Variants in PTPRD observed in about 807,000 individuals in gnomAD.
PTPRD encodes receptor-type tyrosine-protein phosphatase delta.
In PTPRD, 34 loss-of-function variants were observed where a neutral mutation model predicts 214.5. The observed-to-expected ratio is 0.16, with a 90% CI of 0.12 to 0.21. The LOEUF is 0.21. Ranked by LOEUF, PTPRD falls within the 10% of genes least tolerant of loss-of-function variation. The pLI, the probability that PTPRD is intolerant of heterozygous loss-of-function variation, is 1.00. For missense variants in PTPRD, 2,545 were observed against 2,398.7 expected (o/e 1.06, Z -1.27); for synonymous variants, 1,128 against 845.7 (o/e 1.33, Z -5.79).
chr9:10,195,270 A>T (rs1046263075), intron 3 of PTPRD, among the ~76,000 whole-genome samples: 4 of 151,998 alleles, frequency 2.6e-5, no homozygotes, highest in African/African-American at 9.7e-5. Context: ...CACTTTCCTC[A>T]TTTGGAAAAG....
intron 3 of PTPRD, among the ~76,000 whole-genome samples, chr9:10,241,692 G>A (rs182387654): frequency 5.5e-4 from 84 of 152,070 alleles, no homozygotes; most frequent in African/African-American, 1.9e-3. Flanking sequence ...ACCAGGGTTG[G>A]TGGAGGAACG....
At chr9:9,903,378 G>A (rs1229225494) in intron 5 of PTPRD, among the ~76,000 whole-genome samples, 3 of 152,026 alleles carry the variant, frequency 2.0e-5, no homozygotes, top group African/African-American at 7.2e-5. Flanking sequence ...AAAGATCTCT[G>A]TGCCTGTTGC....
intron 3 of PTPRD, among the ~76,000 whole-genome samples, chr9:10,046,148 CATT>C (rs2097390130): frequency 6.6e-6 from 1 of 151,778 alleles, no homozygotes; most frequent in African/African-American, 2.4e-5. Context: ...AACAAATCAT[CATT>C]AAGCGGCTTT....
intron 3 of PTPRD, among the ~76,000 whole-genome samples, chr9:10,180,584 T>C (rs1162252836): frequency 1.7e-5 from 2 of 117,730 alleles, no homozygotes; most frequent in African/African-American, 3.3e-5. Flanking sequence ...TTAACTTTGA[T>C]ACCAAAACCA....
intron 12 of PTPRD, among the ~76,000 whole-genome samples, chr9:8,715,533 A>G (rs897462763): frequency 1.3e-5 from 2 of 152,272 alleles, no homozygotes; most frequent in African/African-American, 4.8e-5. Context: ...TCCAGTAAAT[A>G]GCAAAATACA....
chr9:10,198,913 G>A (rs294824), intron 3 of PTPRD, among the ~76,000 whole-genome samples: 46,011 of 151,894 alleles, frequency 0.3, 7,358 homozygotes, highest in East Asian at 0.47. Context: ...AGGCTTAGGG[G>A]TCACTTTTTT....
chr9:8,800,322 T>C (rs551769724), intron 11 of PTPRD, among the ~76,000 whole-genome samples: 1 of 152,110 alleles, frequency 6.6e-6, no homozygotes, highest in Non-Finnish European at 1.5e-5. Context: ...AACTCCATCT[T>C]GAATAGGGGC....
chr9:10,539,622 G>C (rs1010904906), intron 2 of PTPRD, among the ~76,000 whole-genome samples: 1 of 152,030 alleles, frequency 6.6e-6, no homozygotes, highest in African/African-American at 2.4e-5. Context: ...TCCCTTTTTT[G>C]GTGCCAACTT....
At chr9:9,355,992 T>C (rs1488131781) in intron 9 of PTPRD, among the ~76,000 whole-genome samples, 1 of 151,414 alleles carries the variant, frequency 6.6e-6, no homozygotes, top group Non-Finnish European at 1.5e-5. Flanking sequence ...GTCCAGAGAC[T>C]AGAGCATTGG....
At chr9:9,017,794 G>A in intron 11 of PTPRD, among the ~76,000 whole-genome samples, 1 of 152,098 alleles carries the variant, frequency 6.6e-6, no homozygotes, top group East Asian at 1.9e-4. Flanking sequence ...TCAAGTTGTA[G>A]TTTAAATTAC....
chr9:9,482,505 C>CTTATGAA (rs1569568700), intron 8 of PTPRD, among the ~76,000 whole-genome samples: 1 of 152,046 alleles, frequency 6.6e-6, no homozygotes, highest in East Asian at 1.9e-4. Flanking sequence ...TTTCATTGTC[C>CTTATGAA]AGATACTTGA....
At chr9:9,967,626 C>A (rs1430416273) in intron 4 of PTPRD, among the ~76,000 whole-genome samples, 1 of 152,026 alleles carries the variant, frequency 6.6e-6, no homozygotes, top group East Asian at 1.9e-4. Context: ...AAGAGACTTT[C>A]CTGAAGTCAT....
At chr9:9,565,626 C>T (rs2084278253) in intron 8 of PTPRD, among the ~76,000 whole-genome samples, 1 of 151,706 alleles carries the variant, frequency 6.6e-6, no homozygotes, top group South Asian at 2.1e-4. Flanking sequence ...TACAAATAGC[C>T]ACACGTTCAG....
intron 11 of PTPRD, among the ~76,000 whole-genome samples, chr9:8,751,968 A>C (rs12338284): frequency 3.9e-5 from 6 of 152,114 alleles, no homozygotes; most frequent in African/African-American, 1.2e-4. Context: ...GAATGGGACA[A>C]AAGCAACGTT....
At chr9:10,481,959 A>G (rs1197737379) in intron 2 of PTPRD, among the ~76,000 whole-genome samples, 2 of 152,188 alleles carry the variant, frequency 1.3e-5, no homozygotes, top group Non-Finnish European at 2.9e-5. Context: ...TTTAAGACTT[A>G]GACTTTATCC....
In PTPRD at chr9:8,342,228, A is replaced by C. The variant is rs187848376; in HGVS notation, c.4662-250T>G. Among the ~76,000 whole-genome samples, 196 of 152,172 alleles carry C rather than the reference A, an allele frequency of 1.3e-3. 2 individuals carry two copies. Among genetic ancestry groups the C allele is most frequent in the African/African-American group, 4.6e-3 (191 of 41,550 alleles). ...TGTAAAAAATATTAAATCCATAATC[A>C]CTATGTTCCTTGATCATGCAATACA... On this transcript the variant is annotated intron_variant, in intron 39 of 45. Coordinates refer to ENST00000381196, the MANE Select transcript of PTPRD (RefSeq NM_002839.4).
At chr9:8,989,343 A>T (rs1310739065) in intron 11 of PTPRD, among the ~76,000 whole-genome samples, 1 of 151,970 alleles carries the variant, frequency 6.6e-6, no homozygotes, top group Admixed American at 6.6e-5. Context: ...CCCTTAACCA[A>T]TTTCTCTTCA....
chr9:10,225,707 T>C (rs959748251), intron 3 of PTPRD, among the ~76,000 whole-genome samples: 1 of 152,060 alleles, frequency 6.6e-6, no homozygotes, highest in African/African-American at 2.4e-5. Flanking sequence ...GTCGTATTCA[T>C]ACTGTGGATA....
intron 3 of PTPRD, among the ~76,000 whole-genome samples, chr9:10,269,055 T>A (rs920584212): frequency 2.0e-4 from 30 of 152,168 alleles, no homozygotes; most frequent in African/African-American, 7.2e-4. Flanking sequence ...TGAGAACCAC[T>A]GCTTTAAGAG....
Sources: gnomAD v4.1 joint callset for allele counts (sites outside exome capture counted in the v4.1 genomes callset) on GRCh38, gnomAD v4.1.1 for gene constraint, MANE v1.5 for transcripts, NCBI Gene and HGNC (gene_info 2026-07-23, HGNC 2026-07-21) for gene names.